The following HS3ST2 variants were observed in gnomAD, a reference collection of about 807,000 sequenced individuals.
HS3ST2 encodes the protein heparan sulfate glucosamine 3-O-sulfotransferase 2.
HS3ST2 carries 17 observed loss-of-function variants against 26.3 expected under a neutral mutation model. The observed-to-expected ratio is 0.65, with a 90% confidence interval of 0.44 to 0.97. The LOEUF (loss-of-function observed/expected upper bound fraction) is 0.97, where lower values mean the gene tolerates loss of function less well. HS3ST2 is among the 50% of genes least tolerant of loss of function. The pLI, the probability that HS3ST2 is intolerant of heterozygous loss-of-function variation, is 0.00. For synonymous variants in HS3ST2, 237 were observed against 219.2 expected (o/e 1.08, Z -0.72); for missense variants, 402 against 501.2 (o/e 0.80, Z 1.89).
intron 1 of HS3ST2, among the ~76,000 whole-genome samples, chr16:22,866,363 GGTGTGCGTGTGT>G (rs1230009833): frequency 2.6e-5 from 3 of 115,022 alleles, no homozygotes; most frequent in Non-Finnish European, 5.7e-5. Flanking sequence ...TTGACAATAT[GGTGTGCGTGTGT>G]GTGTGTGTGT....
At chr16:22,836,082 AT>A (rs1461150179) in intron 1 of HS3ST2, among the ~76,000 whole-genome samples, 1 of 152,174 alleles carries the variant, frequency 6.6e-6, no homozygotes, top group Non-Finnish European at 1.5e-5. Context: ...AATAGACAAA[AT>A]TAGGAATGAG....
intron 1 of HS3ST2, among the ~76,000 whole-genome samples, chr16:22,850,982 G>T (rs1349623901): frequency 6.6e-6 from 1 of 152,200 alleles, no homozygotes; most frequent in Non-Finnish European, 1.5e-5. Context: ...TGTGAGCTCA[G>T]TTTGGGCTTT....
intron 1 of HS3ST2, among the ~76,000 whole-genome samples, chr16:22,851,483 A>AT (rs1270126035): frequency 3.3e-5 from 5 of 152,070 alleles, no homozygotes; most frequent in Admixed American, 2.6e-4. Flanking sequence ...AGTTGATGCT[A>AT]TTTTTTTTCT....
chr16:22,906,170 A>C (rs1040851101), intron 1 of HS3ST2, among the ~76,000 whole-genome samples: 3 of 152,058 alleles, frequency 2.0e-5, no homozygotes, highest in African/African-American at 7.2e-5. Flanking sequence ...GAAGAGATCG[A>C]GACCATCCTG....
Position 22,915,641 on chromosome 16 carries a change from C to T in HS3ST2, c.*79C>T. 6.9e-7 allele frequency: 1 copy of T among 1,454,632 alleles called. No homozygotes were observed. 90.1% of individuals were successfully genotyped at this position (1,454,632 alleles called of 1,614,324 possible). A position where few individuals can be genotyped will look rare whatever the true frequency, so the allele number is the denominator to read the frequency against. ...ATTTGCTCCCAGACCCTCTGATCTC[C>T]CTCCAACAAACCCTGGCTCCAGCCC... On this transcript the variant is annotated 3_prime_UTR_variant, in exon 2 of 2. Transcript: ENST00000261374.
intron 1 of HS3ST2, among the ~76,000 whole-genome samples, chr16:22,870,361 G>A (rs998279150): frequency 3.3e-5 from 5 of 152,076 alleles, no homozygotes; most frequent in African/African-American, 4.8e-5. Context: ...CATCTCTTTC[G>A]TGGATGACTG....
chr16:22,864,501 A>T (rs1413048692), intron 1 of HS3ST2, among the ~76,000 whole-genome samples: 1 of 152,162 alleles, frequency 6.6e-6, no homozygotes, highest in African/African-American at 2.4e-5. Flanking sequence ...GCTTGAGCCA[A>T]GTGTGTGTAG....
At chr16:22,876,939 A>G (rs1901927614) in intron 1 of HS3ST2, among the ~76,000 whole-genome samples, 1 of 152,168 alleles carries the variant, frequency 6.6e-6, no homozygotes, top group South Asian at 2.1e-4. Flanking sequence ...CGAGGACACA[A>G]TGGCTAAGAA....
intron 1 of HS3ST2, among the ~76,000 whole-genome samples, chr16:22,883,230 A>G (rs1902015381): frequency 1.3e-5 from 2 of 152,250 alleles, no homozygotes; most frequent in Admixed American, 1.3e-4. Flanking sequence ...AAGCTCAGGA[A>G]GTGTCCCACC....
chr16:22,904,856 T>C (rs935730171), intron 1 of HS3ST2, among the ~76,000 whole-genome samples: 9 of 152,110 alleles, frequency 5.9e-5, no homozygotes, highest in Admixed American at 2.6e-4. Flanking sequence ...GTATAAGGAT[T>C]TGGGGCTGTG....
chr16:22,910,366 G>A (rs893432001), intron 1 of HS3ST2, among the ~76,000 whole-genome samples: 5 of 152,104 alleles, frequency 3.3e-5, no homozygotes, highest in African/African-American at 9.7e-5. Context: ...GTAGAATTTG[G>A]GAAGTCTTTA....
chr16:22,846,939 A>T (rs1432794676), intron 1 of HS3ST2, among the ~76,000 whole-genome samples: 1 of 152,240 alleles, frequency 6.6e-6, no homozygotes, highest in African/African-American at 2.4e-5. Flanking sequence ...AGTGCTGAGA[A>T]TCAGTAAATG....
intron 1 of HS3ST2, among the ~76,000 whole-genome samples, chr16:22,896,083 A>G (rs1187027996): frequency 6.6e-6 from 1 of 152,074 alleles, no homozygotes. Context: ...AGTAGCTGGG[A>G]CAAGAGGTGC....
At chr16:22,841,124 C>G (rs376279029) in intron 1 of HS3ST2, among the ~76,000 whole-genome samples, 1 of 152,000 alleles carries the variant, frequency 6.6e-6, no homozygotes, top group African/African-American at 2.4e-5. Context: ...TGCAATGGCG[C>G]GATCTCAGCT....
chr16:22,896,255 GT>G (rs1484687254), intron 1 of HS3ST2, among the ~76,000 whole-genome samples: 32 of 152,048 alleles, frequency 2.1e-4, no homozygotes, highest in African/African-American at 7.7e-4. Context: ...TCAGAATGTT[GT>G]TTTTCTTTTC....
chr16:22,814,858 C>G lies in HS3ST2; in HGVS notation c.248C>G (p.Pro83Arg). 1 of 1,558,636 alleles carries G rather than the reference C, an allele frequency of 6.4e-7. No individual in the cohort carries two copies. Among genetic ancestry groups the G allele is most frequent in the South Asian group, 1.2e-5 (1 of 85,250 alleles). The change falls in exon 1 of 2, where the codon CCC (proline) becomes CGC (arginine). Residue 83 changes from proline (P) to arginine (R), a missense_variant. By Grantham distance (103) the Pro-to-Arg change is moderately radical. This residue lies in a region of HS3ST2 where 165 missense variants were observed against 154.6 expected (regional missense o/e 1.07). Transcript: ENST00000261374. ...CDPSGPTPSE[P>R]SAPSAPAAAV... ...CCCTCCGGGCCGACGCCCAGCGAGC[C>G]CAGCGCTCCCAGCGCGCCCGCCGCC...
chr16:22,906,818 C>A lies in HS3ST2; in HGVS notation c.486-8126C>A, dbSNP rs117008070. On this transcript the variant is annotated intron_variant, in intron 1 of 1. Transcript: ENST00000261374. ...ACTTCTGAGGACTCAAGGGCCGCTT[C>A]TCAATGGGCATCTACCTCTGACACT... Among the ~76,000 whole-genome samples the A allele has an allele frequency of 2.9e-3, 442 of 152,340 alleles. 10 individuals are homozygous for A. The East Asian group carries it at 0.032, about 11-fold the overall frequency.
intron 1 of HS3ST2, among the ~76,000 whole-genome samples, chr16:22,843,034 A>G (rs560191658): frequency 2.0e-5 from 3 of 152,300 alleles, no homozygotes; most frequent in African/African-American, 7.2e-5. Context: ...GTTCTGAGGA[A>G]GATGCCATTC....
At chr16:22,906,652 C>T (rs1428843937) in intron 1 of HS3ST2, among the ~76,000 whole-genome samples, 1 of 152,220 alleles carries the variant, frequency 6.6e-6, no homozygotes, top group Non-Finnish European at 1.5e-5. Flanking sequence ...GGAAGTAGAG[C>T]TTGGACTCCC....
Sources: gnomAD v4.1 joint callset for allele counts (sites outside exome capture counted in the v4.1 genomes callset) on GRCh38, gnomAD v4.1.1 for gene constraint, gnomAD v4.1.1 regional missense constraint, MANE v1.5 for transcripts, NCBI Gene and HGNC (gene_info 2026-07-23, HGNC 2026-07-21) for gene names.